COL4A2: variants seen among roughly 807,000 people sequenced by gnomAD.
The protein encoded by COL4A2 is collagen alpha-2(IV) chain.
A neutral mutation model predicts 200.2 loss-of-function variants in COL4A2; 99 were observed. The ratio of observed to expected loss-of-function variants is 0.49; its 90% confidence interval spans 0.42 to 0.58. COL4A2 has a LOEUF of 0.58. Among genes scored for constraint, COL4A2 ranks in the 20% least tolerant of loss-of-function variants. COL4A2 has a pLI of 0.00. For synonymous variants in COL4A2, 897 were observed against 900.6 expected (o/e 1.00, Z 0.07); for missense variants, 1,950 against 2,314.1 (o/e 0.84, Z 3.23).
intron 3 of COL4A2, among the ~76,000 whole-genome samples, chr13:110,337,349 A>C (rs1876242170): frequency 6.6e-6 from 1 of 152,242 alleles, no homozygotes; most frequent in Non-Finnish European, 1.5e-5. Context: ...GGCTTTCCTA[A>C]CTAATAAGTG....
intron 25 of COL4A2, 116 bp from the exon 26 acceptor site, chr13:110,465,887 C>T: frequency 1.5e-6 from 2 of 1,295,396 alleles, no homozygotes; most frequent in South Asian, 1.5e-5. Context: ...CAAAGCCTTC[C>T]TGCCCCCACC....
At chr13:110,483,862 G>A (rs1217087565) in intron 32 of COL4A2, among the ~76,000 whole-genome samples, 1 of 152,254 alleles carries the variant, frequency 6.6e-6, no homozygotes, top group Non-Finnish European at 1.5e-5. Context: ...AGCTCTGTGA[G>A]TACACTAAAG....
Position 110,431,487 on chromosome 13 carries a change from G to A in COL4A2, c.649-838G>A, listed in dbSNP as rs142248154. On this transcript the variant is annotated intron_variant, in intron 10 of 47. Transcript: ENST00000360467. ...CTACAAAGCAAATTTCCCCGGTGCT[G>A]TGAAAGTCATTCTTGCAAGTAGCCC... Among the ~76,000 whole-genome samples the A allele has an allele frequency of 3.8e-3, 573 of 152,316 alleles. 4 individuals are homozygous for A. The highest frequency in any genetic ancestry group is 4.8e-3 in the Non-Finnish European group (326 of 68,038).
At chr13:110,333,540 G>GCA (rs1452544977) in intron 3 of COL4A2, among the ~76,000 whole-genome samples, 2 of 152,282 alleles carry the variant, frequency 1.3e-5, no homozygotes, top group African/African-American at 4.8e-5. Context: ...ATTTCTTGTA[G>GCA]CACTTTTTCT....
At chr13:110,504,786 G>A (rs868496458) in intron 45 of COL4A2, among the ~76,000 whole-genome samples, 61 of 149,108 alleles carry the variant, frequency 4.1e-4, no homozygotes, top group African/African-American at 1.4e-3. Context: ...TTTTGTATTT[G>A]TAGTAGAGAC....
chr13:110,406,020 C>T (rs1030893462), intron 4 of COL4A2, among the ~76,000 whole-genome samples: 5 of 152,168 alleles, frequency 3.3e-5, no homozygotes, highest in African/African-American at 7.2e-5. Context: ...AAGTGTCTGC[C>T]GCCTGGATTC....
chr13:110,462,557 AAC>A, intron 24 of COL4A2, 173 bp downstream of exon 24: 5 of 603,560 alleles, frequency 8.3e-6, no homozygotes, highest in African/African-American at 1.8e-5. Flanking sequence ...CTTTTTAGGA[AAC>A]GGTGAATTAA....
intron 41 of COL4A2, among the ~76,000 whole-genome samples, chr13:110,502,240 G>C (rs1883670189): frequency 6.6e-6 from 1 of 152,240 alleles, no homozygotes. Flanking sequence ...AGCAACCCGA[G>C]TGTCCATCAA....
chr13:110,510,834 C>T (rs993839768), intron 47 of COL4A2, among the ~76,000 whole-genome samples: 1 of 152,228 alleles, frequency 6.6e-6, no homozygotes, highest in Non-Finnish European at 1.5e-5. Context: ...GGCCTCAGCT[C>T]CTTCAGACCA....
chr13:110,512,247 G>A lies in COL4A2; in HGVS notation c.*56G>A, dbSNP rs571175558. ...TGCTTATTCTTAACTTATTACCTCA[G>A]GTGCCAACCCAAAAATTGGTTTTAT... On this transcript the variant is annotated 3_prime_UTR_variant, in exon 48 of 48. Transcript: ENST00000360467. The A allele has an allele frequency of 1.1e-5, 17 of 1,523,652 alleles. No homozygotes were observed. The South Asian group carries it at 2.0e-4, about 18-fold the overall frequency. 94.4% of individuals were successfully genotyped at this position (1,523,652 alleles called of 1,614,324 possible).
chr13:110,507,409 T>G (rs1883923344), intron 46 of COL4A2: 2 of 159,424 alleles, frequency 1.3e-5, no homozygotes, highest in African/African-American at 4.8e-5. Flanking sequence ...TGGCTGCACT[T>G]CTGGGTCTGA....
intron 16 of COL4A2, among the ~76,000 whole-genome samples, chr13:110,442,086 T>TC (rs1240894095): frequency 1.1e-4 from 2 of 18,048 alleles, no homozygotes; most frequent in East Asian, 9.3e-4. Context: ...ACTCTCTGTC[T>TC]CAAAAAAAAA....
At chr13:110,465,082 C>A (rs1461489363) in intron 24 of COL4A2, among the ~76,000 whole-genome samples, 7 of 152,244 alleles carry the variant, frequency 4.6e-5, no homozygotes, top group African/African-American at 1.7e-4. Flanking sequence ...CACAGTAGAA[C>A]ACAAAAGCCT....
At chr13:110,431,703 A>G (rs1310057194) in intron 10 of COL4A2, among the ~76,000 whole-genome samples, 1 of 152,202 alleles carries the variant, frequency 6.6e-6, no homozygotes, top group Non-Finnish European at 1.5e-5. Context: ...CTGCTCTGAC[A>G]GCTTTTGGTT....
intron 3 of COL4A2, among the ~76,000 whole-genome samples, chr13:110,354,770 A>G (rs572211693): frequency 2.0e-5 from 3 of 152,232 alleles, no homozygotes; most frequent in Admixed American, 6.5e-5. Flanking sequence ...AATCACCCAT[A>G]CAAAAGGAAC....
At chr13:110,356,597 C>T (rs1229320294) in intron 3 of COL4A2, among the ~76,000 whole-genome samples, 1 of 152,186 alleles carries the variant, frequency 6.6e-6, no homozygotes, top group Non-Finnish European at 1.5e-5. Flanking sequence ...CAGGCACATG[C>T]TCCACATGTC....
intron 12 of COL4A2, chr13:110,436,028 T>C (rs1880856598): frequency 4.8e-6 from 3 of 627,130 alleles, no homozygotes; most frequent in Admixed American, 2.3e-5. Flanking sequence ...CAGTCCAGAA[T>C]TGTAAACAAC....
intron 7 of COL4A2, among the ~76,000 whole-genome samples, chr13:110,429,557 G>A (rs1204301858): frequency 6.6e-6 from 1 of 152,166 alleles, no homozygotes; most frequent in Admixed American, 6.5e-5. Flanking sequence ...AAGAAAGCAC[G>A]TAATAGTATT....
At chr13:110,394,095 G>T (rs1246310432) in intron 4 of COL4A2, among the ~76,000 whole-genome samples, 1 of 152,150 alleles carries the variant, frequency 6.6e-6, no homozygotes, top group Non-Finnish European at 1.5e-5. Flanking sequence ...GGAACCACCT[G>T]TGCTTGACTT....
Sources: allele counts gnomAD v4.1 joint callset (sites outside exome capture counted in the v4.1 genomes callset), GRCh38; gene constraint gnomAD v4.1.1; transcripts MANE v1.5; gene names NCBI Gene and HGNC (gene_info 2026-07-23, HGNC 2026-07-21).